Variants in UBR7 observed in about 807,000 individuals in gnomAD.
UBR7 encodes ubiquitin protein ligase E3 component n-recognin 7.
Under a neutral mutation model 57.0 loss-of-function variants are expected in UBR7, and 22 were observed. That is an observed-to-expected ratio of 0.39 (90% CI 0.28 to 0.55). UBR7 has a LOEUF of 0.55. Ranked by LOEUF, UBR7 falls within the 20% of genes least tolerant of loss-of-function variation. The pLI, the probability that UBR7 is intolerant of heterozygous loss-of-function variation, is 0.69. For missense variants in UBR7, 395 were observed against 513.2 expected, an observed-to-expected ratio of 0.77 and a Z score of 2.23; for synonymous variants, 167 against 179.8, an observed-to-expected ratio of 0.93 and a Z score of 0.57.
intron 3 of UBR7, among the ~76,000 whole-genome samples, chr14:93,211,414 G>A (rs1894480698): frequency 1.4e-5 from 2 of 147,304 alleles, no homozygotes; most frequent in Admixed American, 1.4e-4. Context: ...GGGCATGGTG[G>A]TGCGTGCCTG....
In UBR7 at chr14:93,228,806, G is replaced by A. The variant is rs1486860803; in HGVS notation, c.*1771G>A. 4 of 454,126 alleles carry A rather than the reference G, an allele frequency of 8.8e-6. No homozygotes were observed. In the Admixed American group the frequency reaches 9.4e-5, roughly 11 times the overall value. The allele number at this position is 454,126 out of a possible 1,614,324, so 28.1% of individuals were successfully genotyped here. ...CTTTTAATCTTCTCAAATATCTGAT[G>A]TAACTACCAGAAAGTCCCTTACTTC... On this transcript the variant is annotated 3_prime_UTR_variant, in exon 11 of 11. Transcript: ENST00000013070.
chr14:93,207,396 C>T lies in UBR7; in HGVS notation c.105C>T (p.Cys35=), dbSNP rs1456907209. 4 of 1,553,504 alleles carry T rather than the reference C, an allele frequency of 2.6e-6. No individual in the cohort carries two copies. Among genetic ancestry groups the T allele is most frequent in the Middle Eastern group, 2.0e-4 (1 of 5,128 alleles). Residue 35 remains cysteine, a synonymous_variant, in exon 1 of 11, where the codon TGC becomes TGT. Transcript: ENST00000013070. ...ACGAGGAGCTGGAGAATGAGGCGTG[C>T]GCTGTCCTGGGCGGCAGCGACTCCG... ...EEDEELENEA[C]AVLGGSDSEK...
chr14:93,208,336 C>T (rs1328801335), intron 1 of UBR7, among the ~76,000 whole-genome samples: 2 of 151,996 alleles, frequency 1.3e-5, no homozygotes, highest in East Asian at 1.9e-4. Flanking sequence ...AATACCAGTT[C>T]TCGTTGTTGA....
In UBR7 at chr14:93,211,322, G is replaced by C. The variant is rs530647319; in HGVS notation, c.345+614G>C. 1.1e-4 allele frequency among the ~76,000 whole-genome samples: 16 copies of C among 151,694 alleles called. No homozygotes were observed. The East Asian group carries it at 2.9e-3, about 28-fold the overall frequency. On this transcript the variant is annotated intron_variant, in intron 3 of 10. Transcript: ENST00000013070. ...AGCACTTTGGGAGGCCGAGGCAGGT[G>C]GATCACTTGAGGTCAGGAGTTCAAA...
intron 7 of UBR7, among the ~76,000 whole-genome samples, 197 bp downstream of exon 7, chr14:93,218,932 G>A (rs970004376): frequency 6.6e-6 from 1 of 152,028 alleles, no homozygotes; most frequent in Non-Finnish European, 1.5e-5. Flanking sequence ...GCACATGCCT[G>A]TAATCCCAGC....
intron 4 of UBR7, among the ~76,000 whole-genome samples, chr14:93,212,678 A>G (rs1012478964): frequency 1.3e-5 from 2 of 152,196 alleles, no homozygotes; most frequent in African/African-American, 4.8e-5. Context: ...AACAGAAGTG[A>G]AAATTCTGTA....
Position 93,210,708 on chromosome 14 carries a change from T to TTACTTACA in UBR7, c.345_345+1insTACTTACA (p.Asp116TyrfsTer8). ...AAAATTTGGAATGCAAATTACTTCC[T>TTACTTACA]GTAAGTAAGCACTGTAACTATAAAT... On this transcript the variant is annotated frameshift_variant and splice_region_variant. Transcript: ENST00000013070. LOFTEE classifies it high-confidence loss of function. 1.2e-6 allele frequency: 2 copies of TTACTTACA among 1,607,382 alleles called. No individual in the cohort carries two copies. The highest frequency in any genetic ancestry group is 8.5e-7 in the Non-Finnish European group (1 of 1,175,566).
At chr14:93,210,318 C>T (rs561760095) in intron 2 of UBR7, among the ~76,000 whole-genome samples, 1 of 152,142 alleles carries the variant, frequency 6.6e-6, no homozygotes, top group East Asian at 1.9e-4. Context: ...CTCCTGACCT[C>T]GTGATCCGCC....
intron 10 of UBR7, among the ~76,000 whole-genome samples, chr14:93,224,585 G>A (rs1245261226): frequency 5.3e-5 from 8 of 151,914 alleles, no homozygotes; most frequent in Admixed American, 2.6e-4. Flanking sequence ...CACCGTGTTA[G>A]CCAGGATGGT....
chr14:93,219,263 C>T lies in UBR7; in HGVS notation c.862C>T (p.Leu288Phe), dbSNP rs777084530. The T allele has an allele frequency of 2.2e-5, 35 of 1,614,040 alleles. No individual in the cohort carries two copies. Among genetic ancestry groups the T allele is most frequent in the Non-Finnish European group, 2.9e-5 (34 of 1,180,048 alleles). Residue 288 changes from leucine to phenylalanine, a missense_variant, in exon 8 of 11, where the codon CTT becomes TTT. Coordinates refer to ENST00000013070, the MANE Select transcript of UBR7 (RefSeq NM_175748.4). ...LNAESKSGCKLQELKAKQLIK... is the reference protein window; with the variant it reads ...LNAESKSGCKFQELKAKQLIK... ...CGCAGAATCAAAATCTGGCTGCAAA[C>T]TTCAGGAGCTTAAAGCTAAGCAGCT...
intron 1 of UBR7, among the ~76,000 whole-genome samples, chr14:93,207,956 T>C (rs1462226867): frequency 1.3e-5 from 2 of 151,946 alleles, no homozygotes; most frequent in Non-Finnish European, 2.9e-5. Context: ...TAGTACTTTT[T>C]CTTTCTTTCT....
At position 93,221,602 on chromosome 14, in the gene UBR7, A is replaced by G. The variant is rs192792799; in HGVS notation, c.1124-711A>G. Among the ~76,000 whole-genome samples the G allele has an allele frequency of 1.0e-3, 152 of 152,268 alleles. 1 individual carries two copies. The highest frequency in any genetic ancestry group is 3.4e-3 in the Middle Eastern group (1 of 294). ...AATTTCTTTTTGCCTTTATTAGAGT[A>G]AAAACTTTTCAAGGATAGAGGATGC... On this transcript the variant is annotated intron_variant, in intron 9 of 10. Coordinates refer to ENST00000013070, the MANE Select transcript of UBR7 (RefSeq NM_175748.4).
chr14:93,208,738 G>A (rs2749411), intron 1 of UBR7, among the ~76,000 whole-genome samples: 39,174 of 151,868 alleles, frequency 0.26, 5,403 homozygotes, highest in South Asian at 0.35. Flanking sequence ...CATCCCGGAA[G>A]CCTCCTTATC....
chr14:93,225,072 G>C (rs1894819913), intron 10 of UBR7, among the ~76,000 whole-genome samples: 1 of 152,082 alleles, frequency 6.6e-6, no homozygotes, highest in South Asian at 2.1e-4. Context: ...CCACTCTTTA[G>C]GAGTCTTTAG....
intron 8 of UBR7, among the ~76,000 whole-genome samples, chr14:93,219,791 C>A (rs1351210941): frequency 2.0e-5 from 3 of 152,096 alleles, no homozygotes; most frequent in African/African-American, 7.2e-5. Context: ...GCCTGACCAA[C>A]ATGGTGAAAT....
intron 6 of UBR7, among the ~76,000 whole-genome samples, chr14:93,216,066 C>T (rs554495744): frequency 6.6e-6 from 1 of 152,080 alleles, no homozygotes. Flanking sequence ...GGGCCCATTC[C>T]TCATAGACAG....
intron 9 of UBR7, among the ~76,000 whole-genome samples, chr14:93,220,940 T>G (rs1193970919): frequency 6.6e-6 from 1 of 152,120 alleles, no homozygotes; most frequent in Non-Finnish European, 1.5e-5. Context: ...CATTTCTGTC[T>G]TTTATTATTT....
At chr14:93,209,064 C>T (rs987465348) in intron 1 of UBR7, among the ~76,000 whole-genome samples, 1 of 152,182 alleles carries the variant, frequency 6.6e-6, no homozygotes, top group Non-Finnish European at 1.5e-5. Context: ...CTGCCCACCT[C>T]GGCCTCCCAA....
Position 93,227,232 on chromosome 14 carries a change from C to T in UBR7, c.*197C>T. Reference sequence around the variant, plus strand: ...ACAGCCAGCGTCCTCTGTGACTCAGCTGATGCAGCTCATTCCACAGACTTC... The same window carrying T: ...ACAGCCAGCGTCCTCTGTGACTCAGTTGATGCAGCTCATTCCACAGACTTC... On this transcript the variant is annotated 3_prime_UTR_variant, in exon 11 of 11. Coordinates refer to ENST00000013070, the MANE Select transcript of UBR7 (RefSeq NM_175748.4). 1.6e-6 allele frequency: 1 copy of T among 632,174 alleles called. No homozygotes were observed. Among genetic ancestry groups the T allele is most frequent in the Non-Finnish European group, 2.9e-6 (1 of 342,158 alleles). 39.2% of individuals were successfully genotyped at this position (632,174 alleles called of 1,614,324 possible). A position where few individuals can be genotyped will look rare whatever the true frequency, so the allele number is the denominator to read the frequency against.
Sources: gnomAD v4.1 joint callset for allele counts (sites outside exome capture counted in the v4.1 genomes callset) on GRCh38, gnomAD v4.1.1 for gene constraint, MANE v1.5 for transcripts, NCBI Gene and HGNC (gene_info 2026-07-23, HGNC 2026-07-21) for gene names.